NCKAP5: variants seen among roughly 807,000 people sequenced by gnomAD.
NCKAP5 encodes the protein nck-associated protein 5.
In NCKAP5, 92 loss-of-function variants were observed where a neutral mutation model predicts 167.0. That is an observed-to-expected ratio of 0.55 (90% CI 0.47 to 0.66). NCKAP5 has a LOEUF of 0.66. Ranked by LOEUF, NCKAP5 falls within the 30% of genes least tolerant of loss-of-function variation. The probability of loss-of-function intolerance (pLI) is 0.00; values close to 1 mark genes in which losing one functional copy is unlikely to be tolerated. For missense variants in NCKAP5, 2,378 were observed against 2,315.0 expected, an observed-to-expected ratio of 1.03 and a Z score of -0.56; for synonymous variants, 891 against 877.4, an observed-to-expected ratio of 1.02 and a Z score of -0.27.
rs767929622 is a variant in NCKAP5 at position 133,526,220 on chromosome 2, GAAGGAAGA to G, written c.-61-8641_-61-8634del. Among the ~76,000 whole-genome samples, 580 of 123,990 alleles carry G rather than the reference GAAGGAAGA, an allele frequency of 4.7e-3. 21 individuals carry two copies. The highest frequency in any genetic ancestry group is 0.012 in the Middle Eastern group (3 of 260). 81.3% of individuals were successfully genotyped at this position (123,990 alleles called of 152,430 possible). ...GGAAGGAAGGAAGGAAGGAAGGAAG[GAAGGAAGA>G]AAGGAAAGGAGGGAGGGAAGGAGGG... On this transcript the variant is annotated intron_variant, in intron 2 of 19. Transcript: ENST00000409261.
intron 6 of NCKAP5, among the ~76,000 whole-genome samples, chr2:133,066,673 C>A (rs1174680107): frequency 6.6e-6 from 1 of 152,168 alleles, no homozygotes. Context: ...CACCCCCTAG[C>A]ATACCAAGTC....
intron 6 of NCKAP5, among the ~76,000 whole-genome samples, chr2:133,060,482 C>T (rs769439416): frequency 1.3e-5 from 2 of 152,090 alleles, no homozygotes; most frequent in Non-Finnish European, 2.9e-5. Flanking sequence ...TTTATAGCTG[C>T]ATGTTTATGT....
At chr2:133,126,493 C>T (rs1412435053) in intron 6 of NCKAP5, among the ~76,000 whole-genome samples, 1 of 152,122 alleles carries the variant, frequency 6.6e-6, no homozygotes, top group African/African-American at 2.4e-5. Flanking sequence ...TAGACATGAC[C>T]CAGCATTCTT....
the NCKAP5 span, among the ~76,000 whole-genome samples, chr2:133,615,352 G>T: frequency 0.62 from 92,855 of 148,948 alleles, 29,987 homozygotes; most frequent in Middle Eastern, 0.78. Context: ...GACACAGACG[G>T]GCAAATTGGA....
intron 16 of NCKAP5, among the ~76,000 whole-genome samples, chr2:132,768,784 C>G (rs1477072569): frequency 6.6e-6 from 1 of 151,238 alleles, no homozygotes; most frequent in African/African-American, 2.4e-5. Context: ...GGACTACAGG[C>G]GCCCGCCACC....
chr2:132,723,140 A>ATTTTTTT (rs869234028), intron 19 of NCKAP5, among the ~76,000 whole-genome samples: 1 of 93,436 alleles, frequency 1.1e-5, no homozygotes, highest in Non-Finnish European at 2.0e-5. Context: ...GCCAGGTGGT[A>ATTTTTTT]TTTTTTTTTT....
intron 19 of NCKAP5, among the ~76,000 whole-genome samples, chr2:132,708,820 A>T (rs993156958): frequency 6.6e-6 from 1 of 152,088 alleles, no homozygotes; most frequent in African/African-American, 2.4e-5. Context: ...CATGGTGCTA[A>T]TATTTGTTGG....
chr2:133,373,203 G>A (rs1452327182), intron 3 of NCKAP5, among the ~76,000 whole-genome samples: 1 of 152,068 alleles, frequency 6.6e-6, no homozygotes, highest in East Asian at 1.9e-4. Flanking sequence ...GGAACTACAG[G>A]TGTGGCCACC....
intron 6 of NCKAP5, among the ~76,000 whole-genome samples, chr2:133,063,885 A>G (rs1356764690): frequency 1.3e-5 from 2 of 152,226 alleles, no homozygotes; most frequent in East Asian, 3.9e-4. Flanking sequence ...AGAGCTAGGA[A>G]AAAACCGTTA....
chr2:133,073,949 T>G (rs2080509131), intron 6 of NCKAP5, among the ~76,000 whole-genome samples: 1 of 152,110 alleles, frequency 6.6e-6, no homozygotes, highest in African/African-American at 2.4e-5. Flanking sequence ...TTAAGACTAG[T>G]TTTACCTATC....
At chr2:133,604,612 G>A in the NCKAP5 span, among the ~76,000 whole-genome samples, 3 of 151,950 alleles carry the variant, frequency 2.0e-5, no homozygotes, top group African/African-American at 7.3e-5. Context: ...GACTACAGCA[G>A]CTAAGAACGT....
At chr2:132,945,611 A>G (rs1167788068) in intron 8 of NCKAP5, among the ~76,000 whole-genome samples, 1 of 152,162 alleles carries the variant, frequency 6.6e-6, no homozygotes, top group East Asian at 1.9e-4. Context: ...TCTCTTACAA[A>G]CTGGGGGAAA....
At chr2:132,739,221 T>C (rs753272570) in intron 16 of NCKAP5, among the ~76,000 whole-genome samples, 6 of 152,166 alleles carry the variant, frequency 3.9e-5, no homozygotes, top group Non-Finnish European at 8.8e-5. Flanking sequence ...GATTCAAGTG[T>C]CTCCATCTTT....
rs115184258 is a variant in NCKAP5, at chr2:132,993,161, G to A, written c.429+991C>T. On this transcript the variant is annotated intron_variant, in intron 7 of 19. Coordinates refer to ENST00000409261, the MANE Select transcript of NCKAP5 (RefSeq NM_207363.3). The stretch of plus-strand genomic sequence containing the variant: ...TGGCTTTTTAGCCAGCAAAAACCTA[G>A]GGCTGCCCAGTGATGACCTCACATT... 5.2e-3 allele frequency among the ~76,000 whole-genome samples: 789 copies of A among 152,246 alleles called. 3 individuals carry two copies. The highest frequency in any genetic ancestry group is 0.018 in the African/African-American group (757 of 41,554).
intron 6 of NCKAP5, among the ~76,000 whole-genome samples, chr2:133,067,721 C>T (rs2080246342): frequency 1.3e-5 from 2 of 152,196 alleles, no homozygotes; most frequent in South Asian, 4.1e-4. Context: ...CCTGAGAAGG[C>T]AAGCTGCATT....
chr2:133,527,192 G>C (rs1684994182), intron 2 of NCKAP5: 1 of 152,120 alleles, frequency 6.6e-6, no homozygotes, highest in South Asian at 2.1e-4. Context: ...CCTGCTGAGA[G>C]ACAACACAAC....
intron 12 of NCKAP5, among the ~76,000 whole-genome samples, chr2:132,794,451 G>A (rs1488395325): frequency 6.6e-6 from 1 of 150,690 alleles, no homozygotes; most frequent in Non-Finnish European, 1.5e-5. Flanking sequence ...AGGCCAACAT[G>A]GTGAAACCCC....
intron 6 of NCKAP5, among the ~76,000 whole-genome samples, chr2:133,111,372 C>A (rs564257361): frequency 6.6e-6 from 1 of 152,200 alleles, no homozygotes; most frequent in Non-Finnish European, 1.5e-5. Flanking sequence ...TATAACTGTG[C>A]ATCTCAATGA....
intron 3 of NCKAP5, among the ~76,000 whole-genome samples, chr2:133,309,065 G>A (rs966328828): frequency 6.6e-6 from 1 of 152,028 alleles, no homozygotes; most frequent in Non-Finnish European, 1.5e-5. Flanking sequence ...AGAAAACAGT[G>A]TAATGCTAAG....
Sources: allele counts gnomAD v4.1 joint callset (sites outside exome capture counted in the v4.1 genomes callset), GRCh38; gene constraint gnomAD v4.1.1; transcripts MANE v1.5; gene names NCBI Gene and HGNC (gene_info 2026-07-23, HGNC 2026-07-21).